Variants in ABCA12 observed in about 807,000 individuals in gnomAD.
ABCA12 encodes the protein glucosylceramide transporter ABCA12.
ABCA12 carries 156 observed loss-of-function variants against 293.5 expected under a neutral mutation model. That is an observed-to-expected ratio of 0.53 (90% confidence interval 0.47 to 0.61). ABCA12 has a LOEUF of 0.61. ABCA12 is among the 20% of genes least tolerant of loss of function. The probability of loss-of-function intolerance (pLI) is 0.00; values close to 1 mark genes in which losing one functional copy is unlikely to be tolerated. For synonymous variants in ABCA12, 1,063 were observed against 1,108.0 expected, an observed-to-expected ratio of 0.96 and a Z score of 0.81; for missense variants, 2,797 against 3,090.2, an observed-to-expected ratio of 0.91 and a Z score of 2.25.
intron 36 of ABCA12, among the ~76,000 whole-genome samples, chr2:214,970,955 G>A (rs567138785): frequency 1.1e-4 from 16 of 152,134 alleles, no homozygotes; most frequent in African/African-American, 3.9e-4. Flanking sequence ...TTTAGTTTGG[G>A]ATTATTTTAG....
chr2:214,956,710 G>A lies in ABCA12; in HGVS notation c.6186C>T (p.Tyr2062=), dbSNP rs1474456457. 2.5e-6 allele frequency: 4 copies of A among 1,613,538 alleles called. No individual in the cohort carries two copies. The highest frequency in any genetic ancestry group is 3.4e-6 in the Non-Finnish European group (4 of 1,179,770). Residue 2062 remains tyrosine (Y), a synonymous_variant, in exon 42 of 53, where the codon TAC becomes TAT. Coordinates refer to ENST00000272895, the MANE Select transcript of ABCA12 (RefSeq NM_173076.3). ...ATACAGCGCCTAGGTTGTTTTCACT[G>A]TAGAATGCAGGTAATTTGAAAATCG... ...IIAIFKLPAF[Y]SENNLGAVSL... is the part of the protein sequence containing the mutation.
intron 26 of ABCA12, among the ~76,000 whole-genome samples, chr2:214,987,995 T>G (rs1035735171): frequency 3.2e-4 from 48 of 152,208 alleles, no homozygotes; most frequent in African/African-American, 1.1e-3. Context: ...GCAGCTTTAT[T>G]TACATTTACT....
intron 2 of ABCA12, among the ~76,000 whole-genome samples, chr2:215,086,919 T>TTTATTA (rs139025147): frequency 0.012 from 1,779 of 151,042 alleles, 39 homozygotes; most frequent in African/African-American, 0.039. Context: ...TAACTACCAG[T>TTTATTA]TTATTATTAT....
At chr2:215,001,942 A>G (rs2105990245) in intron 20 of ABCA12, among the ~76,000 whole-genome samples, 1 of 152,336 alleles carries the variant, frequency 6.6e-6, no homozygotes, top group South Asian at 2.1e-4. Context: ...GCTAGTTACA[A>G]ATACAGTAAA....
At chr2:215,029,904 A>G (rs889067715) in intron 9 of ABCA12, among the ~76,000 whole-genome samples, 7 of 152,252 alleles carry the variant, frequency 4.6e-5, no homozygotes, top group Non-Finnish European at 1.0e-4. Flanking sequence ...AGGAGAAAGT[A>G]GAGCTATGAG....
intron 2 of ABCA12, among the ~76,000 whole-genome samples, chr2:215,067,333 A>G (rs1239905007): frequency 6.6e-6 from 1 of 152,260 alleles, no homozygotes; most frequent in East Asian, 1.9e-4. Flanking sequence ...TGCAAAATTA[A>G]AGCTAATAAT....
chr2:214,997,994 A>T (rs1700072030), intron 22 of ABCA12, among the ~76,000 whole-genome samples, 185 bp from the exon 23 acceptor site: 1 of 144,708 alleles, frequency 6.9e-6, no homozygotes, highest in African/African-American at 2.6e-5. Context: ...TAGGTCTGTG[A>T]TTTTTTTAGT....
intron 4 of ABCA12, among the ~76,000 whole-genome samples, chr2:215,053,745 C>T (rs1244234015): frequency 6.6e-6 from 1 of 152,048 alleles, no homozygotes; most frequent in African/African-American, 2.4e-5. Context: ...GAGCACCAAT[C>T]ATATTTCAAC....
intron 26 of ABCA12, among the ~76,000 whole-genome samples, 178 bp from the exon 27 acceptor site, chr2:214,987,971 T>C (rs970043564): frequency 6.6e-6 from 1 of 152,218 alleles, no homozygotes; most frequent in Non-Finnish European, 1.5e-5. Flanking sequence ...CTTTTTTTCC[T>C]TGTTAGTTTT....
chr2:214,947,296 A>G, intron 48 of ABCA12, 126 bp downstream of exon 48: 2 of 1,368,832 alleles, frequency 1.5e-6, no homozygotes, highest in Non-Finnish European at 2.1e-6. Context: ...TGCTTTGCAC[A>G]ATAGCTAGCA....
intron 8 of ABCA12, among the ~76,000 whole-genome samples, chr2:215,033,963 A>T (rs1415695237): frequency 6.6e-6 from 1 of 152,138 alleles, no homozygotes; most frequent in African/African-American, 2.4e-5. Flanking sequence ...TAAAAATAAA[A>T]AAATAAATAT....
chr2:215,099,998 A>ATCTC lies in ABCA12; in HGVS notation c.163+11595_163+11598dup, dbSNP rs771541522. Reference sequence around the variant, plus strand: ...TTCAAAACCCTACATGATGAAATTGATCTCTCTCTCTCTCTCTCTTTTTTT... The same window carrying ATCTC: ...TTCAAAACCCTACATGATGAAATTGATCTCTCTCTCTCTCTCTCTCTCTTTTTTT... On this transcript the variant is annotated intron_variant, in intron 2 of 52. Coordinates refer to ENST00000272895, the MANE Select transcript of ABCA12 (RefSeq NM_173076.3). 4.7e-4 allele frequency among the ~76,000 whole-genome samples: 69 copies of ATCTC among 147,878 alleles called. No individual in the cohort carries two copies. The South Asian group carries it at 9.2e-3, about 20-fold the overall frequency.
chr2:215,027,840 G>C (rs934743816), intron 9 of ABCA12, among the ~76,000 whole-genome samples: 2 of 152,080 alleles, frequency 1.3e-5, no homozygotes, highest in African/African-American at 4.8e-5. Context: ...ACCAATATAA[G>C]TTCCTTTTTT....
intron 49 of ABCA12, among the ~76,000 whole-genome samples, chr2:214,943,533 T>C (rs780988857): frequency 1.5e-3 from 224 of 152,276 alleles, no homozygotes; most frequent in Non-Finnish European, 2.5e-3. Context: ...TGTCTTCAGA[T>C]AGGGTTTATT....
intron 2 of ABCA12, among the ~76,000 whole-genome samples, chr2:215,092,959 G>T (rs948549259): frequency 2.0e-5 from 3 of 152,070 alleles, no homozygotes; most frequent in Admixed American, 2.0e-4. Context: ...AAGGCTTCAG[G>T]GACAGCCCCC....
intron 45 of ABCA12, among the ~76,000 whole-genome samples, chr2:214,949,790 C>T (rs1477507682): frequency 6.6e-6 from 1 of 152,166 alleles, no homozygotes; most frequent in Non-Finnish European, 1.5e-5. Context: ...AGACAGCACC[C>T]TGAACAGGCT....
Position 214,986,584 on chromosome 2 carries a change from G to A in ABCA12, c.4121C>T (p.Thr1374Ile). 6.2e-7 allele frequency: 1 copy of A among 1,614,064 alleles called. No individual in the cohort carries two copies. The highest frequency in any genetic ancestry group is 1.1e-5 in the South Asian group (1 of 91,076). ...AGCTCCATTGGGCCCCAGCAATGAA[G>A]TAATATGCCCTTCATAAAAGTTCAG... is the stretch of plus-strand genomic sequence containing the variant. ...LNLNFYEGHI[T>I]SLLGPNGAGK... The change falls in exon 28 of 53, where the codon ACT becomes ATT. Residue 1374 changes from threonine (T) to isoleucine (I), a missense_variant. Coordinates refer to ENST00000272895, the MANE Select transcript of ABCA12 (RefSeq NM_173076.3).
chr2:214,963,905 C>T (rs1433257055), intron 39 of ABCA12, among the ~76,000 whole-genome samples: 2 of 115,400 alleles, frequency 1.7e-5, no homozygotes, highest in Non-Finnish European at 3.3e-5. Context: ...GGGTGACTGA[C>T]AGAGTGAGAC....
intron 5 of ABCA12, among the ~76,000 whole-genome samples, chr2:215,051,280 G>A (rs1008106811): frequency 6.6e-6 from 1 of 152,198 alleles, no homozygotes; most frequent in Middle Eastern, 3.4e-3. Context: ...AAAAACATTA[G>A]AAGCCTCAAA....
Sources: gnomAD v4.1 joint callset for allele counts (sites outside exome capture counted in the v4.1 genomes callset) on GRCh38, gnomAD v4.1.1 for gene constraint, MANE v1.5 for transcripts, NCBI Gene and HGNC (gene_info 2026-07-23, HGNC 2026-07-21) for gene names.